MBTPS1: variants seen among roughly 807,000 people sequenced by gnomAD.
MBTPS1 encodes membrane-bound transcription factor site-1 protease.
A neutral mutation model predicts 127.8 loss-of-function variants in MBTPS1; 94 were observed. The observed-to-expected ratio is 0.74, with a 90% CI of 0.62 to 0.87. The LOEUF (loss-of-function observed/expected upper bound fraction) is 0.87, where lower values mean the gene tolerates loss of function less well. Among genes scored for constraint, MBTPS1 ranks in the 40% least tolerant of loss-of-function variants. The probability of loss-of-function intolerance (pLI) is 0.00; values close to 1 mark genes in which losing one functional copy is unlikely to be tolerated. For synonymous variants in MBTPS1, 632 were observed against 509.4 expected, an observed-to-expected ratio of 1.24 and a Z score of -3.24; for missense variants, 1,636 against 1,353.2, an observed-to-expected ratio of 1.21 and a Z score of -3.28.
chr16:84,056,115 T>G lies in MBTPS1; in HGVS notation c.2852A>C (p.Lys951Thr). The G allele has an allele frequency of 6.2e-7, 1 of 1,614,060 alleles. No homozygotes were observed. The highest frequency in any genetic ancestry group is 8.5e-7 in the Non-Finnish European group (1 of 1,179,922). Reference sequence around the variant, plus strand: ...CTTGTCCAGGTCAATGGAGAGTAGCTTCTGATGTTTCCAAAGGTTACTTCA... The same window carrying G: ...CTTGTCCAGGTCAATGGAGAGTAGCGTCTGATGTTTCCAAAGGTTACTTCA... ...TAPSNLWKHQ[K>T]LLSIDLDKVV... Residue 951 changes from lysine (K) to threonine (T), a missense_variant, in exon 22 of 23, where the codon AAG becomes ACG. Coordinates refer to ENST00000343411, the MANE Select transcript of MBTPS1 (RefSeq NM_003791.4).
intron 3 of MBTPS1, 88 bp from the exon 4 acceptor site, chr16:84,095,893 G>A: frequency 2.8e-6 from 3 of 1,061,432 alleles, no homozygotes; most frequent in Admixed American, 3.8e-5. Flanking sequence ...AACACAGGGA[G>A]GATTACCATT....
chr16:84,071,235 C>T (rs905103905), intron 12 of MBTPS1, among the ~76,000 whole-genome samples: 1 of 152,164 alleles, frequency 6.6e-6, no homozygotes, highest in Non-Finnish European at 1.5e-5. Context: ...AAGAGGTGGC[C>T]GGAGGGAGGA....
intron 16 of MBTPS1, among the ~76,000 whole-genome samples, chr16:84,067,210 C>G (rs12920419): frequency 0.69 from 105,146 of 152,038 alleles, 36,547 homozygotes; most frequent in East Asian, 0.87. Context: ...GAAGTTTAAA[C>G]CTGAAGTATC....
rs1196386990 is a variant in MBTPS1 at position 84,067,688 on chromosome 16, T to C, written c.2207A>G (p.Lys736Arg). 6.2e-7 allele frequency: 1 copy of C among 1,613,502 alleles called. No individual in the cohort carries two copies. The highest frequency in any genetic ancestry group is 2.2e-5 in the East Asian group (1 of 44,858). Reference sequence around the variant, plus strand: ...GTACCTTGTGTTTTCATCATAAAACTTCACTTTTCTCATAACAGAAGTGTT... The same window carrying C: ...GTACCTTGTGTTTTCATCATAAAACCTCACTTTTCTCATAACAGAAGTGTT... ...WYNTSVMRKV[K>R]FYDENTRQWW... The change falls in exon 16 of 23, where the codon AAG becomes AGG. Residue 736 changes from lysine (K) to arginine (R), a missense_variant. Physicochemically the swap from Lys to Arg is conservative, Grantham distance 26. Transcript: ENST00000343411.
intron 22 of MBTPS1, among the ~76,000 whole-genome samples, chr16:84,055,593 G>A (rs544920362): frequency 4.6e-5 from 7 of 152,184 alleles, no homozygotes; most frequent in Non-Finnish European, 7.3e-5. Context: ...GAACTGAAGG[G>A]GCCTTCTGGG....
In MBTPS1 at chr16:84,095,800, G is replaced by A; in HGVS notation, c.427C>T (p.Pro143Ser). The change falls in exon 4 of 23, where the codon CCC (proline) becomes TCC (serine). Residue 143 changes from proline (P) to serine (S), a missense_variant. Pro to Ser is a moderately conservative substitution (Grantham distance 74). Transcript: ENST00000343411. ...FRSLKYAESD[P>S]TVPCNETRWS... ...CGGGTTTCATTGCAGGGTACTGTGG[G>A]GTCAGCTACAGGCAAGGGAGAGAAA... 3.1e-6 allele frequency: 5 copies of A among 1,613,038 alleles called. No individual in the cohort carries two copies. Among genetic ancestry groups the A allele is most frequent in the Non-Finnish European group, 1.7e-6 (2 of 1,179,500 alleles).
chr16:84,072,839 C>T (rs1299005219), intron 12 of MBTPS1, among the ~76,000 whole-genome samples: 1 of 152,174 alleles, frequency 6.6e-6, no homozygotes, highest in African/African-American at 2.4e-5. Context: ...CCATCTTCTC[C>T]TGAACCCCAC....
chr16:84,069,824 A>G, intron 14 of MBTPS1, 42 bp downstream of exon 14: 3 of 1,555,702 alleles, frequency 1.9e-6, no homozygotes, highest in Non-Finnish European at 1.8e-6. Flanking sequence ...TCCTCCCACC[A>G]CGGAGGCTGG....
chr16:84,068,034 G>A (rs893998286), intron 15 of MBTPS1, among the ~76,000 whole-genome samples: 5 of 152,218 alleles, frequency 3.3e-5, no homozygotes, highest in Non-Finnish European at 7.3e-5. Flanking sequence ...TTTCACTTGT[G>A]GTGCTCAGGA....
intron 8 of MBTPS1, among the ~76,000 whole-genome samples, chr16:84,089,110 C>T (rs2086069380): frequency 1.3e-5 from 2 of 151,110 alleles, no homozygotes; most frequent in Non-Finnish European, 2.9e-5. Context: ...ACAGGTATGG[C>T]CAGGAGGATG....
chr16:84,104,923 C>G (rs111411633), intron 1 of MBTPS1, among the ~76,000 whole-genome samples: 7 of 146,946 alleles, frequency 4.8e-5, no homozygotes, highest in Non-Finnish European at 1.5e-5. Context: ...TAAAAACCAA[C>G]CAACCGACCC....
At chr16:84,066,284 G>A (rs1354124219) in intron 17 of MBTPS1, among the ~76,000 whole-genome samples, 1 of 151,892 alleles carries the variant, frequency 6.6e-6, no homozygotes, top group Non-Finnish European at 1.5e-5. Context: ...AATTAGGAAT[G>A]GCTACATAAA....
In MBTPS1 at chr16:84,101,870, A is replaced by T; in HGVS notation, c.-87T>A. 3.1e-6 allele frequency: 4 copies of T among 1,272,798 alleles called. No individual in the cohort carries two copies. The highest frequency in any genetic ancestry group is 4.5e-6 in the Non-Finnish European group (4 of 895,374). 78.8% of individuals were successfully genotyped at this position (1,272,798 alleles called of 1,614,324 possible). A position where few individuals can be genotyped will look rare whatever the true frequency, so the allele number is the denominator to read the frequency against. On this transcript the variant is annotated 5_prime_UTR_variant, in exon 2 of 23. It introduces an in-frame stop codon into an upstream open reading frame of the 5' UTR. Coordinates refer to ENST00000343411, the MANE Select transcript of MBTPS1 (RefSeq NM_003791.4). The stretch of plus-strand genomic sequence containing the variant: ...TTAAAAGTGAATTTTTGTTTCAGCT[A>T]AAAGCTGCAACATTACTAATCAGCC...
At chr16:84,103,477 C>G (rs2086284980) in intron 1 of MBTPS1, among the ~76,000 whole-genome samples, 1 of 152,022 alleles carries the variant, frequency 6.6e-6, no homozygotes, top group African/African-American at 2.4e-5. Flanking sequence ...CCAGGCTGGT[C>G]TCAAACTCAG....
intron 2 of MBTPS1, among the ~76,000 whole-genome samples, chr16:84,100,269 G>A (rs2086235157): frequency 6.6e-6 from 1 of 152,146 alleles, no homozygotes; most frequent in African/African-American, 2.4e-5. Context: ...GGCAGGCCGG[G>A]CACAGTGGCT....
intron 20 of MBTPS1, 79 bp from the exon 21 acceptor site, chr16:84,059,507 A>G (rs1446500069): frequency 1.5e-6 from 2 of 1,375,032 alleles, no homozygotes; most frequent in African/African-American, 1.4e-5. Context: ...GGGCCTTATT[A>G]TGAGTCTGTC....
At position 84,063,402 on chromosome 16, in the gene MBTPS1, G is replaced by T; in HGVS notation, c.2475C>A (p.Val825=). Reference sequence around the variant, plus strand: ...GAATCTGATAAAGTCCCAAAATGGGGACGTTTTCAACAACTGCTGTTTCCT... The same window carrying T: ...GAATCTGATAAAGTCCCAAAATGGGTACGTTTTCAACAACTGCTGTTTCCT... ...LKQETAVVEN[V]PILGLYQIPA... is the part of the protein sequence containing the mutation. The change falls in exon 19 of 23, where the codon GTC becomes GTA. Residue 825 remains valine (V), a synonymous_variant. Coordinates refer to ENST00000343411, the MANE Select transcript of MBTPS1 (RefSeq NM_003791.4). 6.2e-7 allele frequency: 1 copy of T among 1,614,088 alleles called. No homozygotes were observed. Among genetic ancestry groups the T allele is most frequent in the South Asian group, 1.1e-5 (1 of 91,084 alleles).
intron 2 of MBTPS1, among the ~76,000 whole-genome samples, chr16:84,100,069 A>T (rs561403324): frequency 1.4e-4 from 22 of 152,268 alleles, no homozygotes; most frequent in African/African-American, 5.1e-4. Context: ...AACATTCTGC[A>T]CCTCCCAGCT....
Position 84,093,587 on chromosome 16 carries a change from A to G in MBTPS1, c.736+124T>C. 5.3e-6 allele frequency: 4 copies of G among 759,980 alleles called. No homozygotes were observed. The South Asian group carries it at 6.6e-5, about 12-fold the overall frequency. 47.1% of individuals were successfully genotyped at this position (759,980 alleles called of 1,614,324 possible). A position where few individuals can be genotyped will look rare whatever the true frequency, so the allele number is the denominator to read the frequency against. ...TGAGGTATTCAGAGCAGTTTCTGCC[A>G]CAACAAAAAGCACAATAACACCTTG... On this transcript the variant is annotated intron_variant, in intron 5 of 22. Coordinates refer to ENST00000343411, the MANE Select transcript of MBTPS1 (RefSeq NM_003791.4).
Sources: allele counts gnomAD v4.1 joint callset (sites outside exome capture counted in the v4.1 genomes callset), GRCh38; gene constraint gnomAD v4.1.1; transcripts MANE v1.5; gene names NCBI Gene and HGNC (gene_info 2026-07-23, HGNC 2026-07-21).